The following EPHB1 variants were observed in gnomAD, a reference collection of about 807,000 sequenced individuals.
EPHB1 encodes ephrin type-B receptor 1.
A neutral mutation model predicts 94.4 loss-of-function variants in EPHB1; 30 were observed. The observed-to-expected ratio is 0.32, with a 90% CI of 0.24 to 0.43. The LOEUF (loss-of-function observed/expected upper bound fraction) is 0.43. Ranked by LOEUF, EPHB1 falls within the 20% of genes least tolerant of loss-of-function variation. The pLI, the probability that EPHB1 is intolerant of heterozygous loss-of-function variation, is 1.00. For missense variants in EPHB1, 1,055 were observed against 1,308.3 expected, an observed-to-expected ratio of 0.81 and a Z score of 2.99; for synonymous variants, 522 against 489.1, an observed-to-expected ratio of 1.07 and a Z score of -0.89.
At chr3:135,075,630 G>T (rs947600004) in intron 3 of EPHB1, among the ~76,000 whole-genome samples, 1 of 152,144 alleles carries the variant, frequency 6.6e-6, no homozygotes, top group East Asian at 1.9e-4. Context: ...GATAGGGTGT[G>T]GTGGCTTATA....
chr3:134,944,071 C>A (rs958693691), intron 2 of EPHB1, among the ~76,000 whole-genome samples: 1 of 152,178 alleles, frequency 6.6e-6, no homozygotes, highest in African/African-American at 2.4e-5. Flanking sequence ...CATTTTAGAA[C>A]ATTTTTATCA....
At chr3:135,088,888 C>T (rs751981483) in intron 3 of EPHB1, among the ~76,000 whole-genome samples, 7 of 152,204 alleles carry the variant, frequency 4.6e-5, no homozygotes, top group Non-Finnish European at 8.8e-5. Context: ...AAAATATTAA[C>T]TGCTATTAAT....
At chr3:135,104,554 A>G (rs1159811957) in intron 3 of EPHB1, among the ~76,000 whole-genome samples, 1 of 152,226 alleles carries the variant, frequency 6.6e-6, no homozygotes, top group East Asian at 1.9e-4. Context: ...CATTCACTCC[A>G]GTGTCTTCCC....
intron 3 of EPHB1, among the ~76,000 whole-genome samples, chr3:135,091,226 G>T (rs1421694718): frequency 6.6e-6 from 1 of 152,176 alleles, no homozygotes; most frequent in Non-Finnish European, 1.5e-5. Flanking sequence ...TTGGGATGGG[G>T]GTGGGGGTGA....
intron 3 of EPHB1, among the ~76,000 whole-genome samples, chr3:135,017,710 G>A (rs2107752464): frequency 6.6e-6 from 1 of 152,310 alleles, no homozygotes; most frequent in Non-Finnish European, 1.5e-5. Flanking sequence ...GTACTTGGGA[G>A]TCTTGGCAGG....
At chr3:135,181,449 G>A (rs1942149025) in intron 10 of EPHB1, among the ~76,000 whole-genome samples, 2 of 152,162 alleles carry the variant, frequency 1.3e-5, no homozygotes, top group South Asian at 2.1e-4. Flanking sequence ...TGGAAGGCTG[G>A]GTACCAGATA....
rs201506219 is a variant in EPHB1 at position 134,995,465 on chromosome 3, GT to G, written c.805+43420del. The stretch of plus-strand genomic sequence containing the variant: ...AAGCTGCTATAACATTCATGTACAT[GT>G]TTTTTTATGTGAACATATATTTTGT... On this transcript the variant is annotated intron_variant, in intron 3 of 15. Transcript: ENST00000398015. Among the ~76,000 whole-genome samples, 782 of 152,246 alleles carry G rather than the reference GT, an allele frequency of 5.1e-3. 5 individuals are homozygous for G. The highest frequency in any genetic ancestry group is 0.018 in the African/African-American group (752 of 41,530).
At chr3:134,981,826 G>A (rs1172698707) in intron 3 of EPHB1, among the ~76,000 whole-genome samples, 5 of 152,136 alleles carry the variant, frequency 3.3e-5, no homozygotes, top group Admixed American at 6.5e-5. Flanking sequence ...ATTTTTCCAG[G>A]CTATAGCTGG....
intron 2 of EPHB1, among the ~76,000 whole-genome samples, chr3:134,949,355 G>A (rs1401493087): frequency 6.6e-6 from 1 of 152,126 alleles, no homozygotes; most frequent in Admixed American, 6.5e-5. Flanking sequence ...GAGTGACCAT[G>A]AGTGACGTCA....
chr3:134,846,105 C>G (rs1340380233), intron 1 of EPHB1, among the ~76,000 whole-genome samples: 1 of 152,158 alleles, frequency 6.6e-6, no homozygotes, highest in Non-Finnish European at 1.5e-5. Flanking sequence ...GGTGTTGCAT[C>G]CTTCAGGCAC....
At chr3:135,035,419 AT>A (rs1936614124) in intron 3 of EPHB1, among the ~76,000 whole-genome samples, 1 of 152,202 alleles carries the variant, frequency 6.6e-6, no homozygotes, top group African/African-American at 2.4e-5. Flanking sequence ...AAAAAAGAAC[AT>A]TCTCTTATTC....
intron 1 of EPHB1, among the ~76,000 whole-genome samples, chr3:134,854,915 GA>G (rs35009454): frequency 0.55 from 83,252 of 152,006 alleles, 25,599 homozygotes; most frequent in East Asian, 0.8. Flanking sequence ...AAAGTATAAA[GA>G]AAAAAATGAA....
chr3:135,164,052 G>A (rs1008802455), intron 7 of EPHB1, among the ~76,000 whole-genome samples: 17 of 152,138 alleles, frequency 1.1e-4, no homozygotes, highest in African/African-American at 3.4e-4. Flanking sequence ...GATTTTTGAC[G>A]TAGCTGCCTA....
chr3:135,114,200 C>T (rs1003355194), intron 4 of EPHB1, among the ~76,000 whole-genome samples: 3 of 152,142 alleles, frequency 2.0e-5, no homozygotes, highest in African/African-American at 7.2e-5. Context: ...ATTTTAAATA[C>T]TGATTTTTAT....
chr3:135,216,064 T>C (rs1213824066), intron 12 of EPHB1, among the ~76,000 whole-genome samples: 1 of 152,208 alleles, frequency 6.6e-6, no homozygotes, highest in South Asian at 2.1e-4. Context: ...CAGGGAAGCA[T>C]GAAGGCCCCA....
intron 12 of EPHB1, among the ~76,000 whole-genome samples, chr3:135,208,611 A>G (rs1218377011): frequency 6.6e-6 from 1 of 152,194 alleles, no homozygotes; most frequent in Admixed American, 6.5e-5. Flanking sequence ...TTGAGAGACA[A>G]GCTATATACA....
intron 1 of EPHB1, among the ~76,000 whole-genome samples, chr3:134,900,440 G>A (rs1422356277): frequency 1.3e-5 from 2 of 152,202 alleles, no homozygotes; most frequent in East Asian, 3.8e-4. Context: ...GACTGGTGGT[G>A]TGTGGGTAGG....
intron 1 of EPHB1, among the ~76,000 whole-genome samples, chr3:134,895,478 A>G (rs2038069955): frequency 6.6e-6 from 1 of 152,220 alleles, no homozygotes; most frequent in African/African-American, 2.4e-5. Flanking sequence ...TCTGTTACCA[A>G]TGCATTTTTT....
intron 3 of EPHB1, among the ~76,000 whole-genome samples, chr3:134,976,115 C>T (rs904835085): frequency 6.6e-6 from 1 of 152,126 alleles, no homozygotes; most frequent in African/African-American, 2.4e-5. Flanking sequence ...TAGTTGTCAC[C>T]AGGTCAGATC....
Sources: gnomAD v4.1 joint callset for allele counts (sites outside exome capture counted in the v4.1 genomes callset) on GRCh38, gnomAD v4.1.1 for gene constraint, MANE v1.5 for transcripts, NCBI Gene and HGNC (gene_info 2026-07-23, HGNC 2026-07-21) for gene names.